Variants in FTCD observed in about 807,000 individuals in gnomAD.
The protein encoded by FTCD is formimidoyltransferase cyclodeaminase.
In FTCD, 76 loss-of-function variants were observed where a neutral mutation model predicts 62.9. That is an observed-to-expected ratio of 1.21 (90% confidence interval 1.00 to 1.46). FTCD has a LOEUF of 1.46. Ranked by LOEUF, FTCD falls within the 40% of genes most tolerant of loss-of-function variation. The probability of loss-of-function intolerance (pLI) is 0.00; values close to 1 mark genes in which losing one functional copy is unlikely to be tolerated. For synonymous variants in FTCD, 397 were observed against 336.9 expected (o/e 1.18, Z -1.95); for missense variants, 845 against 751.3 (o/e 1.12, Z -1.46).
At chr21:46,137,973 T>A (rs2078908227) in intron 12 of FTCD, among the ~76,000 whole-genome samples, 1 of 152,220 alleles carries the variant, frequency 6.6e-6, no homozygotes, top group African/African-American at 2.4e-5. Flanking sequence ...CACGGCTCAC[T>A]GCAGCCTTGA....
rs774245458 is a variant in FTCD at position 46,154,335 on chromosome 21, G to A, written c.55-3C>T. The A allele has an allele frequency of 1.2e-6, 2 of 1,608,756 alleles. No individual in the cohort carries two copies. Among genetic ancestry groups the A allele is most frequent in the African/African-American group, 2.7e-5 (2 of 74,818 alleles). On this transcript the variant is annotated splice_region_variant and splice_polypyrimidine_tract_variant and intron_variant, in intron 1 of 13. Coordinates refer to ENST00000397746, the MANE Select transcript of FTCD (RefSeq NM_206965.2). ...GCTCCAGAGATGGCGTCGATCACCT[G>A]GGACACAGGCCCGGCCCCCACACCT...
At chr21:46,146,613 G>A in intron 7 of FTCD, 1 of 551,986 alleles carries the variant, frequency 1.8e-6, no homozygotes, top group South Asian at 2.2e-5. Context: ...TGCCCCCTGG[G>A]GACCCCTCAG....
chr21:46,154,858 C>T (rs116038647), intron 1 of FTCD, among the ~76,000 whole-genome samples: 2,390 of 152,362 alleles, frequency 0.016, 62 homozygotes, highest in African/African-American at 0.054. Flanking sequence ...TGCACCCCTG[C>T]GGGTGACCCC....
intron 10 of FTCD, among the ~76,000 whole-genome samples, chr21:46,144,247 G>T (rs920873472): frequency 2.6e-5 from 4 of 151,238 alleles, no homozygotes; most frequent in African/African-American, 9.7e-5. Flanking sequence ...AGTGGTAGTG[G>T]TCCCCCGGGC....
intron 10 of FTCD, among the ~76,000 whole-genome samples, chr21:46,140,083 A>T (rs912430966): frequency 9.9e-5 from 15 of 152,232 alleles, no homozygotes; most frequent in African/African-American, 3.4e-4. Flanking sequence ...ATTTGGTGCA[A>T]GGTACAGATA....
chr21:46,150,764 C>T (rs187619334), intron 5 of FTCD, among the ~76,000 whole-genome samples: 19 of 152,372 alleles, frequency 1.2e-4, no homozygotes, highest in African/African-American at 4.3e-4. Context: ...GGCAGGCCCC[C>T]GCCCAGCCTA....
intron 7 of FTCD, 42 bp downstream of exon 7, chr21:46,150,077 C>CT (rs2079230205): frequency 6.3e-7 from 1 of 1,585,540 alleles, no homozygotes; most frequent in Non-Finnish European, 8.6e-7. Context: ...CCCACCCTCC[C>CT]TGCACGCCCC....
chr21:46,139,442 G>C (rs1222330994), intron 10 of FTCD, among the ~76,000 whole-genome samples: 1 of 152,096 alleles, frequency 6.6e-6, no homozygotes, highest in Non-Finnish European at 1.5e-5. Flanking sequence ...TCGGCTCCTC[G>C]GACCCACCCC....
intron 10 of FTCD, among the ~76,000 whole-genome samples, chr21:46,140,507 C>T (rs1372427883): frequency 6.8e-6 from 1 of 147,804 alleles, no homozygotes; most frequent in Non-Finnish European, 1.5e-5. Context: ...ATCAACCCAG[C>T]CCTCCCCGTC....
rs780469774 is a variant in FTCD, at chr21:46,154,243, C to T, written c.144G>A (p.Val48=). Residue 48 remains valine, a synonymous_variant, in exon 2 of 14, where the codon GTG becomes GTA. Transcript: ENST00000397746. Reference sequence around the variant, plus strand: ...ACTCCGGCGGCCCCACGAAGGTGTACACGGTGCGGTTGGTGGAAGGGCCTG... The same window carrying T: ...ACTCCGGCGGCCCCACGAAGGTGTATACGGTGCGGTTGGTGGAAGGGCCTG... The part of the protein sequence containing the change: ...VDAGPSTNRT[V]YTFVGPPECV... 6 of 1,612,808 alleles carry T rather than the reference C, an allele frequency of 3.7e-6. No homozygotes were observed. The highest frequency in any genetic ancestry group is 5.1e-6 in the Non-Finnish European group (6 of 1,179,978).
rs746157981 is a variant in FTCD, at chr21:46,151,904, G to C, written c.444C>G (p.Ala148=). ...LPAIRAGEYE[A]LPKKLQQADW... Reference sequence around the variant, plus strand: ...GGGGTGGGGGCACCTTCTTAGGGAGGGCCTCGTACTCCCCGGCCCGGATGG... The same window carrying C: ...GGGGTGGGGGCACCTTCTTAGGGAGCGCCTCGTACTCCCCGGCCCGGATGG... Residue 148 remains alanine (A), a synonymous_variant, in exon 4 of 14, where the codon GCC becomes GCG. Coordinates refer to ENST00000397746, the MANE Select transcript of FTCD (RefSeq NM_206965.2). 5.1e-6 allele frequency: 8 copies of C among 1,563,456 alleles called. No individual in the cohort carries two copies. The highest frequency in any genetic ancestry group is 6.9e-6 in the Non-Finnish European group (8 of 1,154,548).
chr21:46,138,507 C>A lies in FTCD; in HGVS notation c.1443+1G>T. 6.3e-7 allele frequency: 1 copy of A among 1,583,720 alleles called. No individual in the cohort carries two copies. The highest frequency in any genetic ancestry group is 8.5e-7 in the Non-Finnish European group (1 of 1,171,978). On this transcript the variant is annotated splice_donor_variant, in intron 12 of 13. Transcript: ENST00000397746. LOFTEE classifies it high-confidence loss of function. ...GCCTGGGGTCCCCCGGGCCCCCCTA[C>A]CTGGAGGTCTGACCGGCAGGCCAGG... is the stretch of plus-strand genomic sequence containing the variant.
intron 5 of FTCD, 93 bp from the exon 6 acceptor site, chr21:46,150,618 C>T (rs1008933660): frequency 1.8e-5 from 24 of 1,299,634 alleles, no homozygotes; most frequent in Admixed American, 3.4e-5. Context: ...CCCAGCTGGA[C>T]GGGGAGGAGC....
At chr21:46,152,272 G>A (rs776699479) in intron 3 of FTCD, 32 of 407,540 alleles carry the variant, frequency 7.9e-5, no homozygotes, top group Non-Finnish European at 1.4e-4. Context: ...TCATGCTTCT[G>A]TTTTCTTTGT....
intron 10 of FTCD, 175 bp from the exon 11 acceptor site, chr21:46,139,098 G>T: frequency 1.5e-6 from 1 of 656,708 alleles, no homozygotes; most frequent in Non-Finnish European, 2.8e-6. Flanking sequence ...GCTTGGTGGA[G>T]GAGCAGGGTA....
chr21:46,142,207 G>C (rs188718586), intron 10 of FTCD: 2 of 152,516 alleles, frequency 1.3e-5, no homozygotes, highest in Non-Finnish European at 2.9e-5. Flanking sequence ...GATACGTCCG[G>C]AGTTTCTTCC....
At chr21:46,142,434 G>T (rs2079037078) in intron 10 of FTCD, 1 of 151,464 alleles carries the variant, frequency 6.6e-6, no homozygotes, top group African/African-American at 2.4e-5. Context: ...GCTCTTACAG[G>T]TGGCGCGTCG....
chr21:46,150,799 G>T (rs2079252276), intron 5 of FTCD, among the ~76,000 whole-genome samples: 1 of 152,260 alleles, frequency 6.6e-6, no homozygotes, highest in Non-Finnish European at 1.5e-5. Context: ...GCCACGCTGT[G>T]TCCTAGATGT....
chr21:46,152,092 C>T, intron 3 of FTCD, 112 bp from the exon 4 acceptor site: 1 of 721,334 alleles, frequency 1.4e-6, no homozygotes, highest in Non-Finnish European at 2.3e-6. Flanking sequence ...TGGGCCTCTA[C>T]TGCACCCTCT....
Sources: gnomAD v4.1 joint callset for allele counts (sites outside exome capture counted in the v4.1 genomes callset) on GRCh38, gnomAD v4.1.1 for gene constraint, MANE v1.5 for transcripts, NCBI Gene and HGNC (gene_info 2026-07-23, HGNC 2026-07-21) for gene names.